The following GLIS3 variants were observed in gnomAD, a reference collection of about 807,000 sequenced individuals.
GLIS3 encodes zinc finger protein GLIS3.
Under a neutral mutation model 78.6 loss-of-function variants are expected in GLIS3, and 53 were observed. The ratio of observed to expected loss-of-function variants is 0.67; its 90% CI spans 0.54 to 0.85. The LOEUF (loss-of-function observed/expected upper bound fraction) is 0.85, where lower values mean the gene tolerates loss of function less well. Among genes scored for constraint, GLIS3 ranks in the 40% least tolerant of loss-of-function variants. GLIS3 has a pLI of 0.00. For missense variants in GLIS3, 1,703 were observed against 1,231.1 expected (o/e 1.38, Z -5.74); for synonymous variants, 684 against 509.9 (o/e 1.34, Z -4.60).
At chr9:3,935,224 A>G (rs555689) in intron 5 of GLIS3, among the ~76,000 whole-genome samples, 106,756 of 151,976 alleles carry the variant, frequency 0.7, 37,796 homozygotes, top group East Asian at 0.93. Context: ...TGTGATTTCT[A>G]TATGATTTTA....
At chr9:4,440,688 C>T in the GLIS3 span, among the ~76,000 whole-genome samples, 6 of 152,252 alleles carry the variant, frequency 3.9e-5, no homozygotes, top group South Asian at 8.3e-4. Context: ...TTTCTATTTC[C>T]ATGAAAAATG....
intron 2 of GLIS3, among the ~76,000 whole-genome samples, chr9:4,222,802 G>T (rs1463317345): frequency 6.6e-6 from 1 of 152,196 alleles, no homozygotes; most frequent in African/African-American, 2.4e-5. Flanking sequence ...AAGTGCATAT[G>T]TTTGAGATAA....
At chr9:4,462,664 T>C in the GLIS3 span, among the ~76,000 whole-genome samples, 2 of 144,900 alleles carry the variant, frequency 1.4e-5, no homozygotes, top group East Asian at 2.1e-4. Flanking sequence ...CACACACACA[T>C]TAGCTGGGTG....
intron 2 of GLIS3, among the ~76,000 whole-genome samples, chr9:4,141,844 G>A (rs927911062): frequency 7.9e-5 from 12 of 152,112 alleles, no homozygotes; most frequent in African/African-American, 2.9e-4. Context: ...CAACACACAG[G>A]CAATCTGGCT....
chr9:4,317,859 G>C (rs1191653531), intron 2 of GLIS3, among the ~76,000 whole-genome samples: 2 of 152,182 alleles, frequency 1.3e-5, no homozygotes, highest in African/African-American at 4.8e-5. Context: ...TAAACTTTAA[G>C]CTGCCAAGCA....
intron 2 of GLIS3, among the ~76,000 whole-genome samples, chr9:4,190,610 A>G (rs1283958131): frequency 6.6e-6 from 1 of 151,498 alleles, no homozygotes; most frequent in Non-Finnish European, 1.5e-5. Context: ...AACACTCTGC[A>G]GGATATTATC....
chr9:4,265,904 T>TG (rs1554642312), intron 2 of GLIS3, among the ~76,000 whole-genome samples: 72 of 76,382 alleles, frequency 9.4e-4, no homozygotes, highest in African/African-American at 1.9e-3. Flanking sequence ...CTGGTTTTTT[T>TG]TTTGTTTGTC....
At chr9:4,287,676 A>T (rs1180547385) in intron 1 of GLIS3, among the ~76,000 whole-genome samples, 1 of 152,152 alleles carries the variant, frequency 6.6e-6, no homozygotes, top group Non-Finnish European at 1.5e-5. Context: ...TTTGTGTATG[A>T]TCCACTCAAA....
intron 6 of GLIS3, among the ~76,000 whole-genome samples, chr9:3,919,658 A>T (rs1450104137): frequency 1.3e-5 from 2 of 151,688 alleles, no homozygotes; most frequent in Non-Finnish European, 2.9e-5. Flanking sequence ...TAAAAAAAAA[A>T]AATTAAAAAT....
intron 2 of GLIS3, among the ~76,000 whole-genome samples, chr9:4,212,774 T>C (rs943478617): frequency 6.6e-6 from 1 of 152,144 alleles, no homozygotes; most frequent in Admixed American, 6.5e-5. Context: ...AAATAGGGCA[T>C]AGTGTTAGAG....
At chr9:4,139,143 G>A (rs1049884479) in intron 2 of GLIS3, among the ~76,000 whole-genome samples, 2 of 152,166 alleles carry the variant, frequency 1.3e-5, no homozygotes, top group East Asian at 3.9e-4. Context: ...AGGAATACTA[G>A]ATTCAGAACC....
At position 4,118,465 on chromosome 9, in the gene GLIS3, G is replaced by A. The variant is rs143836372; in HGVS notation, c.1013C>T (p.Pro338Leu). The change falls in exon 4 of 11, where the codon CCG becomes CTG. Residue 338 changes from proline (P) to leucine (L), a missense_variant. Pro to Leu is a moderately conservative substitution (Grantham distance 98). Transcript: ENST00000381971. The surrounding 1 kb of genome is among the most constrained non-coding windows in gnomAD (Gnocchi z 4.7). The stretch of plus-strand genomic sequence containing the variant: ...CTCCGGCTGCGGGGACAGGTTGGCC[G>A]GCGAAGCCCTCGACCCGTTGATGTA... ...VAYINGSRAS[P>L]ANLSPQPEVY... 1.4e-5 allele frequency: 22 copies of A among 1,613,580 alleles called. No individual in the cohort carries two copies. In the African/African-American group the frequency reaches 2.5e-4, roughly 19 times the overall value.
chr9:3,852,654 A>G (rs1316780240), intron 9 of GLIS3, among the ~76,000 whole-genome samples: 1 of 152,204 alleles, frequency 6.6e-6, no homozygotes. Flanking sequence ...TGTTGCCTAC[A>G]AAGTTCCAGA....
intron 1 of GLIS3, among the ~76,000 whole-genome samples, chr9:4,288,348 A>G (rs1260441675): frequency 6.6e-6 from 1 of 152,240 alleles, no homozygotes; most frequent in African/African-American, 2.4e-5. Context: ...AAGGCAAAAG[A>G]AATATGTCAC....
intron 4 of GLIS3, among the ~76,000 whole-genome samples, chr9:4,015,959 T>C (rs1822401152): frequency 6.8e-6 from 1 of 146,710 alleles, no homozygotes; most frequent in Non-Finnish European, 1.5e-5. Flanking sequence ...CCGTCATAAA[T>C]AGGAATTTGG....
chr9:3,848,303 G>A lies in GLIS3; in HGVS notation c.2473+7706C>T, dbSNP rs558224031. Among the ~76,000 whole-genome samples, 422 of 152,068 alleles carry A rather than the reference G, an allele frequency of 2.8e-3. 2 individuals carry two copies. The highest frequency in any genetic ancestry group is 4.3e-3 in the Non-Finnish European group (290 of 67,962). ...ATCACCTGGGCTCGGGAGTTCAAGA[G>A]CAGCCTGGCCAACATGGTGAAACCC... On this transcript the variant is annotated intron_variant, in intron 9 of 10. Coordinates refer to ENST00000381971, the MANE Select transcript of GLIS3 (RefSeq NM_001042413.2).
At chr9:3,979,705 A>G (rs1042735920) in intron 4 of GLIS3, among the ~76,000 whole-genome samples, 2 of 152,136 alleles carry the variant, frequency 1.3e-5, no homozygotes, top group African/African-American at 4.8e-5. Context: ...GTTTTCCCCA[A>G]CACTAGACTA....
At chr9:4,442,487 G>A in the GLIS3 span, among the ~76,000 whole-genome samples, 1 of 152,040 alleles carries the variant, frequency 6.6e-6, no homozygotes, top group African/African-American at 2.4e-5. Flanking sequence ...CAGAACTTGG[G>A]AGTGAAAACA....
chr9:4,050,009 A>G (rs1825598354), intron 4 of GLIS3, among the ~76,000 whole-genome samples: 2 of 152,162 alleles, frequency 1.3e-5, no homozygotes, highest in African/African-American at 4.8e-5. Context: ...GGGACTGTAA[A>G]CTAGTTCAAC....
Sources: allele counts gnomAD v4.1 joint callset (sites outside exome capture counted in the v4.1 genomes callset), GRCh38; gene constraint gnomAD v4.1.1; non-coding constraint Gnocchi (gnomAD v3.1); transcripts MANE v1.5; gene names NCBI Gene and HGNC (gene_info 2026-07-23, HGNC 2026-07-21).